Variants in STK33 observed in about 807,000 individuals in gnomAD.
The protein encoded by STK33 is serine/threonine-protein kinase 33.
STK33 carries 52 observed loss-of-function variants against 58.0 expected under a neutral mutation model. The observed-to-expected ratio is 0.90, with a 90% CI of 0.72 to 1.13. STK33 has a LOEUF of 1.13. Among genes scored for constraint, STK33 ranks in the 50% most tolerant of loss-of-function variants. The pLI is 0.00. For missense variants in STK33, 630 were observed against 604.2 expected, an observed-to-expected ratio of 1.04 and a Z score of -0.45; for synonymous variants, 215 against 200.1, an observed-to-expected ratio of 1.07 and a Z score of -0.63.
At chr11:8,471,065 A>G (rs1364262178) in intron 6 of STK33, among the ~76,000 whole-genome samples, 1 of 152,222 alleles carries the variant, frequency 6.6e-6, no homozygotes, top group African/African-American at 2.4e-5. Context: ...TCAAAGCATG[A>G]TATGATGAAG....
intron 1 of STK33, among the ~76,000 whole-genome samples, chr11:8,557,068 T>A (rs553081447): frequency 6.6e-6 from 1 of 151,452 alleles, no homozygotes; most frequent in African/African-American, 2.4e-5. Flanking sequence ...CTGGGCAACA[T>A]AGTGAGACCT....
At chr11:8,471,480 T>G (rs1948774515) in intron 6 of STK33, among the ~76,000 whole-genome samples, 1 of 152,182 alleles carries the variant, frequency 6.6e-6, no homozygotes, top group South Asian at 2.1e-4. Context: ...AAGATATGAT[T>G]TCATTATGAC....
At chr11:8,463,526 G>A (rs945958339) in intron 7 of STK33, among the ~76,000 whole-genome samples, 13 of 152,030 alleles carry the variant, frequency 8.6e-5, no homozygotes, top group Non-Finnish European at 8.8e-5. Flanking sequence ...GGGGACCCTC[G>A]ACCTAAAGGA....
chr11:8,444,175 C>T (rs1366773152), intron 11 of STK33, among the ~76,000 whole-genome samples: 2 of 152,122 alleles, frequency 1.3e-5, no homozygotes, highest in Admixed American at 1.3e-4. Flanking sequence ...ACTGTCCTAA[C>T]CACTAACAAA....
chr11:8,413,457 T>C, intron 15 of STK33, 38 bp downstream of exon 15: 1 of 1,609,120 alleles, frequency 6.2e-7, no homozygotes, highest in Non-Finnish European at 8.5e-7. Context: ...GTGAGGGTAT[T>C]TTACACTTGG....
At chr11:8,458,573 G>A (rs559095720) in intron 8 of STK33, among the ~76,000 whole-genome samples, 120 of 152,044 alleles carry the variant, frequency 7.9e-4, no homozygotes, top group Non-Finnish European at 1.4e-3. Context: ...AAGAAACAGT[G>A]GGACTTAGTG....
At chr11:8,592,506 A>C (rs2032778928) in intron 1 of STK33, among the ~76,000 whole-genome samples, 1 of 152,222 alleles carries the variant, frequency 6.6e-6, no homozygotes, top group Admixed American at 6.5e-5. Context: ...TGGCAATGTA[A>C]ATTGGCATAA....
chr11:8,557,130 G>C (rs1956793017), intron 1 of STK33, among the ~76,000 whole-genome samples: 1 of 150,540 alleles, frequency 6.6e-6, no homozygotes, highest in Non-Finnish European at 1.5e-5. Context: ...GCATGCCTGT[G>C]GTCCCAGCTA....
chr11:8,406,588 A>G (rs1418946515), intron 15 of STK33, among the ~76,000 whole-genome samples: 4 of 152,146 alleles, frequency 2.6e-5, no homozygotes, highest in African/African-American at 9.7e-5. Flanking sequence ...TTTTGCATAT[A>G]TTTTGTTAGA....
At chr11:8,491,636 T>C (rs951560681) in intron 1 of STK33, among the ~76,000 whole-genome samples, 1 of 152,074 alleles carries the variant, frequency 6.6e-6, no homozygotes, top group African/African-American at 2.4e-5. Context: ...CCAAGACACA[T>C]AATTGTCAGA....
chr11:8,489,229 C>A (rs1181841951), intron 1 of STK33, among the ~76,000 whole-genome samples: 1 of 125,192 alleles, frequency 8.0e-6, no homozygotes, highest in African/African-American at 3.0e-5. Context: ...TACACTCCAG[C>A]TTGGGTGACA....
chr11:8,548,831 A>C (rs572945714), intron 1 of STK33, among the ~76,000 whole-genome samples: 2 of 152,190 alleles, frequency 1.3e-5, no homozygotes, highest in Admixed American at 6.5e-5. Flanking sequence ...ATTTTTTCCT[A>C]GGTGTTTTAT....
At chr11:8,336,102 G>C in the STK33 span, among the ~76,000 whole-genome samples, 1 of 152,246 alleles carries the variant, frequency 6.6e-6, no homozygotes, top group Non-Finnish European at 1.5e-5. Flanking sequence ...TGAGATGGAA[G>C]AGCCCTGGGC....
intron 15 of STK33, among the ~76,000 whole-genome samples, chr11:8,403,513 C>G (rs1478121945): frequency 2.0e-5 from 3 of 152,174 alleles, no homozygotes; most frequent in Non-Finnish European, 4.4e-5. Flanking sequence ...TGGACAGCAT[C>G]TCTGAGTGCT....
At position 8,474,788 on chromosome 11, in the gene STK33, C is replaced by A; in HGVS notation, c.118G>T (p.Val40Leu). 1 of 1,613,400 alleles carries A rather than the reference C, an allele frequency of 6.2e-7. No homozygotes were observed. Among genetic ancestry groups the A allele is most frequent in the Non-Finnish European group, 8.5e-7 (1 of 1,179,722 alleles). ...SKTRVPPVLV[V>L]EMSQTSSIGS... ...ATGCTTGATGTCTGTGACATTTCCA[C>A]CACCAAAACTGGAGGAACCCTTGTT... Residue 40 changes from valine (V) to leucine (L), a missense_variant, in exon 5 of 16, where the codon GTG (valine) becomes TTG (leucine). Transcript: ENST00000687296.
chr11:8,371,422 G>C, the STK33 span, among the ~76,000 whole-genome samples: 1 of 152,188 alleles, frequency 6.6e-6, no homozygotes, highest in Non-Finnish European at 1.5e-5. Flanking sequence ...AGAAGCTTCA[G>C]AGAAAGCATA....
chr11:8,404,347 A>G (rs1249903939), intron 15 of STK33, among the ~76,000 whole-genome samples: 1 of 152,192 alleles, frequency 6.6e-6, no homozygotes, highest in African/African-American at 2.4e-5. Flanking sequence ...ATGAGTTTTG[A>G]CAAACACTTA....
intron 1 of STK33, among the ~76,000 whole-genome samples, chr11:8,546,679 A>G (rs1328567745): frequency 6.6e-6 from 1 of 151,942 alleles, no homozygotes; most frequent in East Asian, 1.9e-4. Context: ...CATGAGTGAA[A>G]TCATGCAATA....
intron 1 of STK33, among the ~76,000 whole-genome samples, chr11:8,491,789 T>G (rs1198828230): frequency 6.6e-6 from 1 of 152,160 alleles, no homozygotes; most frequent in Non-Finnish European, 1.5e-5. Context: ...AGAGCCAATA[T>G]TCAACATTCT....
Sources: allele counts gnomAD v4.1 joint callset (sites outside exome capture counted in the v4.1 genomes callset), GRCh38; gene constraint gnomAD v4.1.1; transcripts MANE v1.5; gene names NCBI Gene and HGNC (gene_info 2026-07-23, HGNC 2026-07-21).